Variants in PCDH9 observed in about 807,000 individuals in gnomAD.
The protein encoded by PCDH9 is protocadherin-9.
A neutral mutation model predicts 70.6 loss-of-function variants in PCDH9; 24 were observed. That is an observed-to-expected ratio of 0.34 (90% confidence interval 0.25 to 0.48). The LOEUF is 0.48. Ranked by LOEUF, PCDH9 falls within the 20% of genes least tolerant of loss-of-function variation. The pLI, the probability that PCDH9 is intolerant of heterozygous loss-of-function variation, is 0.99. For synonymous variants in PCDH9, 562 were observed against 558.5 expected, an observed-to-expected ratio of 1.01 and a Z score of -0.09; for missense variants, 1,281 against 1,503.6, an observed-to-expected ratio of 0.85 and a Z score of 2.45.
intron 3 of PCDH9, among the ~76,000 whole-genome samples, chr13:66,681,135 C>T (rs2078313143): frequency 6.6e-6 from 1 of 152,012 alleles, no homozygotes; most frequent in African/African-American, 2.4e-5. Context: ...CCCACATGCC[C>T]TGTAAAAACC....
At position 66,561,587 on chromosome 13, in the gene PCDH9, A is replaced by G. The variant is rs560523677; in HGVS notation, c.3340+69623T>C. 1.4e-3 allele frequency among the ~76,000 whole-genome samples: 207 copies of G among 152,300 alleles called. 4 individuals are homozygous for G. Among genetic ancestry groups the G allele is most frequent in the East Asian group, 3.9e-3 (20 of 5,170 alleles). Reference sequence around the variant, plus strand: ...TAGCTCAAGGTTTGTAAACACACCAATCAGCACCCTGTGTCTAGGTCAGGG... The same window carrying G: ...TAGCTCAAGGTTTGTAAACACACCAGTCAGCACCCTGTGTCTAGGTCAGGG... On this transcript the variant is annotated intron_variant, in intron 4 of 4. Coordinates refer to ENST00000377865, the MANE Select transcript of PCDH9 (RefSeq NM_203487.3).
chr13:66,573,858 G>A (rs1350754743), intron 4 of PCDH9, among the ~76,000 whole-genome samples: 1 of 151,790 alleles, frequency 6.6e-6, no homozygotes, highest in Admixed American at 6.6e-5. Flanking sequence ...TCCCACTATC[G>A]GGTTCTTTTA....
Position 66,653,509 on chromosome 13 carries a change from T to C in PCDH9, c.3139-22098A>G, listed in dbSNP as rs186100526. On this transcript the variant is annotated intron_variant, in intron 3 of 4. Transcript: ENST00000377865. ...TGGCATTTTTCCAAAAGACAGGCCATAACAAAATGCTGGCGAGGTTGTGGA... is the reference window on the plus strand; with the variant it reads ...TGGCATTTTTCCAAAAGACAGGCCACAACAAAATGCTGGCGAGGTTGTGGA... 1.4e-4 allele frequency among the ~76,000 whole-genome samples: 22 copies of C among 152,078 alleles called. No individual in the cohort carries two copies. The East Asian group carries it at 3.5e-3, about 24-fold the overall frequency.
At chr13:66,678,732 T>C (rs1441517675) in intron 3 of PCDH9, among the ~76,000 whole-genome samples, 2 of 151,840 alleles carry the variant, frequency 1.3e-5, no homozygotes, top group South Asian at 2.1e-4. Flanking sequence ...TCTGTTGATA[T>C]TGGTGTAAGA....
intron 2 of PCDH9, among the ~76,000 whole-genome samples, chr13:67,090,622 T>C (rs1166010091): frequency 6.6e-6 from 1 of 151,640 alleles, no homozygotes. Context: ...AATTACCAGC[T>C]ACAAGCAAAA....
chr13:67,000,905 A>C (rs544985822), intron 2 of PCDH9, among the ~76,000 whole-genome samples: 1 of 152,194 alleles, frequency 6.6e-6, no homozygotes, highest in African/African-American at 2.4e-5. Context: ...TTAAAGTGCT[A>C]AAGTCATTTA....
At chr13:66,380,612 C>T (rs576771267) in intron 4 of PCDH9, among the ~76,000 whole-genome samples, 4 of 136,676 alleles carry the variant, frequency 2.9e-5, no homozygotes, top group South Asian at 2.4e-4. Flanking sequence ...GGCGTCATCT[C>T]GGCTCACTGC....
chr13:66,440,823 T>G (rs1270109439), intron 4 of PCDH9, among the ~76,000 whole-genome samples: 1 of 152,178 alleles, frequency 6.6e-6, no homozygotes, highest in Non-Finnish European at 1.5e-5. Context: ...GTCTTTTTTC[T>G]TCTAGTTTTT....
At chr13:66,346,662 C>A (rs1213728627) in intron 4 of PCDH9, among the ~76,000 whole-genome samples, 1 of 152,076 alleles carries the variant, frequency 6.6e-6, no homozygotes, top group Non-Finnish European at 1.5e-5. Flanking sequence ...TCTGGAAATG[C>A]AGAACTGGGG....
chr13:67,048,638 T>C (rs936899518), intron 2 of PCDH9, among the ~76,000 whole-genome samples: 2 of 152,190 alleles, frequency 1.3e-5, no homozygotes, highest in Middle Eastern at 3.2e-3. Flanking sequence ...ATAGAACAAA[T>C]GTGAGCTGAA....
chr13:66,931,017 A>T (rs1044047874), intron 2 of PCDH9, among the ~76,000 whole-genome samples: 2 of 152,168 alleles, frequency 1.3e-5, no homozygotes, highest in Non-Finnish European at 2.9e-5. Context: ...CACACACTGA[A>T]TGTGTTCAGG....
chr13:66,393,885 G>T (rs1957060312), intron 4 of PCDH9, among the ~76,000 whole-genome samples: 1 of 152,150 alleles, frequency 6.6e-6, no homozygotes. Flanking sequence ...AATATTTATT[G>T]AATAAGTGAG....
intron 2 of PCDH9, among the ~76,000 whole-genome samples, chr13:67,051,381 G>GTTT (rs1566390103): frequency 1.1e-5 from 1 of 87,730 alleles, no homozygotes; most frequent in African/African-American, 4.3e-5. Flanking sequence ...AACAATACAA[G>GTTT]ATTTTTTTTT....
At chr13:66,408,249 G>A (rs1471693066) in intron 4 of PCDH9, among the ~76,000 whole-genome samples, 2 of 151,832 alleles carry the variant, frequency 1.3e-5, no homozygotes, top group African/African-American at 2.4e-5. Flanking sequence ...TAGTAGAGAC[G>A]GGGTTTCACC....
intron 2 of PCDH9, among the ~76,000 whole-genome samples, chr13:66,939,773 A>G (rs1223632573): frequency 6.6e-6 from 1 of 152,164 alleles, no homozygotes; most frequent in African/African-American, 2.4e-5. Context: ...GTTAAAAATT[A>G]TGAATGAAAA....
At chr13:66,913,373 G>A (rs1344352216) in intron 2 of PCDH9, among the ~76,000 whole-genome samples, 1 of 151,944 alleles carries the variant, frequency 6.6e-6, no homozygotes, top group African/African-American at 2.4e-5. Flanking sequence ...CAAGTGGAGT[G>A]TTTCATGTTT....
At chr13:67,229,634 C>G (rs909435403) in intron 1 of PCDH9, 146 bp downstream of exon 1, 6 of 152,224 alleles carry the variant, frequency 3.9e-5, no homozygotes, top group African/African-American at 1.4e-4. Flanking sequence ...TTAGTTCCGG[C>G]AGAGTGATGC....
chr13:67,073,160 G>C (rs2085802777), intron 2 of PCDH9, among the ~76,000 whole-genome samples: 1 of 151,992 alleles, frequency 6.6e-6, no homozygotes, highest in African/African-American at 2.4e-5. Flanking sequence ...GTCTCAGGTG[G>C]AGCCTAAAGA....
At chr13:66,463,641 T>A (rs566929628) in intron 4 of PCDH9, among the ~76,000 whole-genome samples, 1 of 151,956 alleles carries the variant, frequency 6.6e-6, no homozygotes, top group South Asian at 2.1e-4. Flanking sequence ...GTAGTCTATT[T>A]TTTTTGTGGA....
Sources: gnomAD v4.1 joint callset for allele counts (sites outside exome capture counted in the v4.1 genomes callset) on GRCh38, gnomAD v4.1.1 for gene constraint, MANE v1.5 for transcripts, NCBI Gene and HGNC (gene_info 2026-07-23, HGNC 2026-07-21) for gene names.